Variants in HMHB1 observed in about 807,000 individuals in gnomAD.
The protein encoded by HMHB1 is histocompatibility minor HB-1.
HMHB1 carries 4 observed loss-of-function variants against 2.4 expected under a neutral mutation model. The ratio of observed to expected loss-of-function variants is 1.65; its 90% CI spans 0.81 to 3.77. HMHB1 has a LOEUF of 3.77. Ranked by LOEUF, HMHB1 falls within the 30% of genes most tolerant of loss-of-function variation. HMHB1 has a pLI of 0.01. For synonymous variants in HMHB1, 22 were observed against 17.6 expected (o/e 1.25, Z -0.63); for missense variants, 57 against 44.2 (o/e 1.29, Z -0.82).
intron 1 of HMHB1, among the ~76,000 whole-genome samples, chr5:143,819,790 C>T (rs759839024): frequency 6.6e-6 from 1 of 152,088 alleles, no homozygotes; most frequent in Non-Finnish European, 1.5e-5. Flanking sequence ...TAAATTTTCT[C>T]TAGTCTCCTT....
At chr5:143,820,400 T>C in intron 1 of HMHB1, 80 bp from the exon 2 acceptor site, 1 of 685,044 alleles carries the variant, frequency 1.5e-6, no homozygotes, top group Non-Finnish European at 2.6e-6. Context: ...TTACTCTGTT[T>C]GGAGTTTTAT....
intron 1 of HMHB1, among the ~76,000 whole-genome samples, chr5:143,815,528 T>C (rs1759737088): frequency 7.3e-6 from 1 of 137,868 alleles, no homozygotes; most frequent in African/African-American, 2.9e-5. Context: ...TATTTTTTTC[T>C]TTTTTTTTTT....
intron 1 of HMHB1, 92 bp downstream of exon 1, chr5:143,812,396 G>C (rs1274644757): frequency 8.3e-7 from 1 of 1,208,368 alleles, no homozygotes; most frequent in African/African-American, 1.5e-5. Context: ...TGGAATGAGA[G>C]GGAAACCACA....
chr5:143,815,527 C>CTT lies in HMHB1; in HGVS notation c.37+3234_37+3235dup, dbSNP rs57716897. ...TTTTCTTTTTTCCTTGTATTTTTTTCTTTTTTTTTTTTGAGATGCAGTCTC... is the reference window on the plus strand; with the variant it reads ...TTTTCTTTTTTCCTTGTATTTTTTTCTTTTTTTTTTTTTTGAGATGCAGTCTC... On this transcript the variant is annotated intron_variant, in intron 1 of 1. Transcript: ENST00000289448. Among the ~76,000 whole-genome samples, 436 of 144,358 alleles carry CTT rather than the reference C, an allele frequency of 3.0e-3. 4 individuals carry two copies. Among genetic ancestry groups the CTT allele is most frequent in the African/African-American group, 0.01 (403 of 39,420 alleles). 94.7% of individuals were successfully genotyped at this position (144,358 alleles called of 152,430 possible).
At chr5:143,812,774 A>C (rs143671222) in intron 1 of HMHB1, among the ~76,000 whole-genome samples, 1 of 152,130 alleles carries the variant, frequency 6.6e-6, no homozygotes, top group East Asian at 1.9e-4. Context: ...CCATGCTCCC[A>C]CTTCTTAGGA....
chr5:143,817,802 T>C (rs1759765948), intron 1 of HMHB1, among the ~76,000 whole-genome samples: 1 of 152,172 alleles, frequency 6.6e-6, no homozygotes, highest in Admixed American at 6.5e-5. Context: ...GGCAGTATGG[T>C]CATTTTCACA....
intron 1 of HMHB1, among the ~76,000 whole-genome samples, chr5:143,815,547 A>G (rs928278490): frequency 8.2e-5 from 12 of 146,280 alleles, no homozygotes; most frequent in Non-Finnish European, 1.5e-4. Context: ...TTTGAGATGC[A>G]GTCTCGCTCT....
At chr5:143,812,560 T>C (rs1474838326) in intron 1 of HMHB1, among the ~76,000 whole-genome samples, 1 of 152,094 alleles carries the variant, frequency 6.6e-6, no homozygotes, top group African/African-American at 2.4e-5. Flanking sequence ...AGGCAGCAGT[T>C]GGAGCAGCTG....
intron 1 of HMHB1, among the ~76,000 whole-genome samples, chr5:143,818,283 A>G (rs918377): frequency 0.69 from 105,156 of 152,062 alleles, 37,531 homozygotes; most frequent in East Asian, 0.92. Context: ...CAGAACTTAT[A>G]GAATTCTTTA....
At chr5:143,819,208 C>G (rs1313011660) in intron 1 of HMHB1, among the ~76,000 whole-genome samples, 1 of 152,132 alleles carries the variant, frequency 6.6e-6, no homozygotes, top group Non-Finnish European at 1.5e-5. Flanking sequence ...GTCCCAATAC[C>G]AAATTCCTGG....
chr5:143,815,930 T>A lies in HMHB1; in HGVS notation c.37+3626T>A, dbSNP rs186319569. Among the ~76,000 whole-genome samples the A allele has an allele frequency of 8.1e-3, 1,221 of 150,394 alleles. 46 individuals carry two copies. The highest frequency in any genetic ancestry group is 0.021 in the African/African-American group (859 of 40,312). ...ACCTTGTTAGCCAGGATGGTCTCGA[T>A]CTCCTGACCTCATGATCCACCCGCC... On this transcript the variant is annotated intron_variant, in intron 1 of 1. Transcript: ENST00000289448.
intron 1 of HMHB1, among the ~76,000 whole-genome samples, chr5:143,816,911 TG>T (rs1163346127): frequency 3.9e-4 from 59 of 152,364 alleles, no homozygotes; most frequent in African/African-American, 1.0e-3. Context: ...CAGAGTAAGA[TG>T]GTATTGCACT....
intron 1 of HMHB1, 26 bp downstream of exon 1, chr5:143,812,330 CAGAG>C (rs1395511919): frequency 7.1e-6 from 11 of 1,547,838 alleles, no homozygotes; most frequent in African/African-American, 1.4e-5. Flanking sequence ...GGAGGGAGAA[CAGAG>C]AGAGAGGGAA....
intron 1 of HMHB1, among the ~76,000 whole-genome samples, chr5:143,819,182 G>T (rs1445084219): frequency 6.6e-6 from 1 of 152,162 alleles, no homozygotes; most frequent in South Asian, 2.1e-4. Flanking sequence ...TACCAGCCAA[G>T]ACTCACAATA....
chr5:143,812,872 A>G (rs1057109166), intron 1 of HMHB1, among the ~76,000 whole-genome samples: 9 of 152,178 alleles, frequency 5.9e-5, no homozygotes, highest in Admixed American at 5.9e-4. Flanking sequence ...GTTTACAGAT[A>G]AAGACACGAT....
At chr5:143,812,749 T>A (rs754736230) in intron 1 of HMHB1, among the ~76,000 whole-genome samples, 6 of 152,116 alleles carry the variant, frequency 3.9e-5, no homozygotes, top group Non-Finnish European at 7.4e-5. Context: ...ATGGCCACCA[T>A]CATCACCATC....
chr5:143,820,395 C>G, intron 1 of HMHB1, 85 bp from the exon 2 acceptor site: 6 of 472,342 alleles, frequency 1.3e-5, no homozygotes, highest in East Asian at 9.6e-5. Flanking sequence ...CCTCTTTACT[C>G]TGTTTGGAGT....
At chr5:143,814,399 TG>T (rs1319173457) in intron 1 of HMHB1, among the ~76,000 whole-genome samples, 1 of 152,244 alleles carries the variant, frequency 6.6e-6, no homozygotes, top group East Asian at 1.9e-4. Flanking sequence ...AAATTGACAA[TG>T]TCTTTCTTTA....
At position 143,812,678 on chromosome 5, in the gene HMHB1, G is replaced by A. The variant is rs555537679; in HGVS notation, c.37+374G>A. ...CAAGATCACATTGTTCTTGCCCACCGCGTGGGATGCTCAGGCTTCCCAAGG... is the reference window on the plus strand; with the variant it reads ...CAAGATCACATTGTTCTTGCCCACCACGTGGGATGCTCAGGCTTCCCAAGG... On this transcript the variant is annotated intron_variant, in intron 1 of 1. Coordinates refer to ENST00000289448, the MANE Select transcript of HMHB1 (RefSeq NM_021182.3). Among the ~76,000 whole-genome samples the A allele has an allele frequency of 3.1e-4, 47 of 152,236 alleles. No homozygotes were observed. In the South Asian group the frequency reaches 6.8e-3, roughly 22 times the overall value.
Sources: allele counts gnomAD v4.1 joint callset (sites outside exome capture counted in the v4.1 genomes callset), GRCh38; gene constraint gnomAD v4.1.1; transcripts MANE v1.5; gene names NCBI Gene and HGNC (gene_info 2026-07-23, HGNC 2026-07-21).